Variants in UCHL5 observed in about 807,000 individuals in gnomAD.
The protein encoded by UCHL5 is ubiquitin carboxyl-terminal hydrolase isozyme L5.
A neutral mutation model predicts 53.8 loss-of-function variants in UCHL5; 34 were observed. The ratio of observed to expected loss-of-function variants is 0.63; its 90% CI spans 0.48 to 0.84. The LOEUF (loss-of-function observed/expected upper bound fraction) is 0.84. Ranked by LOEUF, UCHL5 falls within the 40% of genes least tolerant of loss-of-function variation. The probability of loss-of-function intolerance (pLI) is 0.00; values close to 1 mark genes in which losing one functional copy is unlikely to be tolerated. For synonymous variants in UCHL5, 111 were observed against 126.3 expected, an observed-to-expected ratio of 0.88 and a Z score of 0.81; for missense variants, 290 against 385.6, an observed-to-expected ratio of 0.75 and a Z score of 2.08.
At chr1:193,025,951 G>A (rs1659040400) in intron 7 of UCHL5, among the ~76,000 whole-genome samples, 1 of 151,978 alleles carries the variant, frequency 6.6e-6, no homozygotes, top group African/African-American at 2.4e-5. Flanking sequence ...ACAGATAAAT[G>A]GAACAATGGA....
chr1:193,059,844 A>G (rs1464844808), upstream of UCHL5: 4 of 1,362,028 alleles, frequency 2.9e-6, no homozygotes, highest in African/African-American at 1.5e-5. This position sits in a 1 kb window ranked among gnomAD's most constrained non-coding sequence, Gnocchi z 4.9. Flanking sequence ...AATTCTGACC[A>G]GTCCTCCATG....
chr1:193,026,251 T>TA (rs1271748614), intron 7 of UCHL5, among the ~76,000 whole-genome samples: 3 of 151,978 alleles, frequency 2.0e-5, no homozygotes, highest in African/African-American at 7.2e-5. Flanking sequence ...AAAGAATTCT[T>TA]AGACTGAAAA....
At chr1:193,041,130 T>C (rs551101287) in intron 3 of UCHL5, among the ~76,000 whole-genome samples, 2 of 152,296 alleles carry the variant, frequency 1.3e-5, no homozygotes, top group South Asian at 4.1e-4. Context: ...AAAATAGCTA[T>C]AAGAGGATAA....
At chr1:193,055,531 C>T (rs1558187916) in intron 1 of UCHL5, among the ~76,000 whole-genome samples, 1 of 152,194 alleles carries the variant, frequency 6.6e-6, no homozygotes, top group Non-Finnish European at 1.5e-5. Context: ...TGTCTGCTAG[C>T]ATCTATGAAA....
chr1:193,035,615 GA>G (rs909442441), intron 3 of UCHL5, among the ~76,000 whole-genome samples: 1 of 151,912 alleles, frequency 6.6e-6, no homozygotes, highest in Non-Finnish European at 1.5e-5. Flanking sequence ...AATCTGAACA[GA>G]AAAAAACACT....
chr1:193,051,715 T>C (rs1445149059), intron 2 of UCHL5, 39 bp downstream of exon 2: 2 of 1,238,456 alleles, frequency 1.6e-6, no homozygotes, highest in African/African-American at 3.1e-5. Context: ...TGTTAAAGTA[T>C]ATATATATAC....
chr1:193,043,550 G>A (rs1480284649), intron 3 of UCHL5, among the ~76,000 whole-genome samples: 1 of 152,136 alleles, frequency 6.6e-6, no homozygotes, highest in African/African-American at 2.4e-5. Context: ...TTGGTTCCTG[G>A]GAGATGAGTT....
At chr1:193,033,381 G>T (rs1008597757) in intron 3 of UCHL5, among the ~76,000 whole-genome samples, 2 of 151,996 alleles carry the variant, frequency 1.3e-5, no homozygotes, top group Non-Finnish European at 2.9e-5. Flanking sequence ...TTGTCGGGGG[G>T]TTGCGGGCAA....
chr1:193,026,373 G>A (rs1659231399), intron 7 of UCHL5, among the ~76,000 whole-genome samples: 1 of 152,132 alleles, frequency 6.6e-6, no homozygotes. Flanking sequence ...GCTACAGACT[G>A]GGAGAGAATA....
rs1658075093 is a variant in UCHL5, at chr1:193,023,829, A to C, written c.732+15T>G. 6.3e-7 allele frequency: 1 copy of C among 1,594,898 alleles called. No individual in the cohort carries two copies. The highest frequency in any genetic ancestry group is 1.3e-5 in the African/African-American group (1 of 74,294). The stretch of plus-strand genomic sequence containing the variant: ...ACCAAGCTAGAACTTTGTACTTAGA[A>C]ACATGGCCACGAACCTCTGCAAGTT... On this transcript the variant is annotated intron_variant, in intron 8 of 10. Coordinates refer to ENST00000367454, the MANE Select transcript of UCHL5 (RefSeq NM_001199261.3).
intron 7 of UCHL5, among the ~76,000 whole-genome samples, chr1:193,024,299 A>C (rs573251995): frequency 6.6e-6 from 1 of 151,872 alleles, no homozygotes; most frequent in African/African-American, 2.4e-5. Context: ...AGAAAAACAA[A>C]ATTGGCTAAA....
At chr1:193,022,794 A>C (rs34849704) in intron 9 of UCHL5, 132 bp downstream of exon 9, 612,122 of 613,476 alleles carry the variant, frequency 1, 305,388 homozygotes, top group East Asian at 1. Context: ...TTGTAGTGAT[A>C]AGAGAATCAA....
At chr1:193,032,929 G>A (rs1662007952) in intron 3 of UCHL5, among the ~76,000 whole-genome samples, 1 of 152,172 alleles carries the variant, frequency 6.6e-6, no homozygotes. Flanking sequence ...ATTGTTGGTG[G>A]GAGTGTAAAT....
In UCHL5 at chr1:193,059,327, G is replaced by A; in HGVS notation, c.-67C>T. ...GCTGCCCCCCGCACCAGCTGCCGCC[G>A]GCCACAGATCTCAGCAAACCCGCCG... On this transcript the variant is annotated 5_prime_UTR_variant, in exon 1 of 11. Coordinates refer to ENST00000367454, the MANE Select transcript of UCHL5 (RefSeq NM_001199261.3). This position sits in a 1 kb window ranked among gnomAD's most constrained non-coding sequence, Gnocchi z 4.9. 1.2e-6 allele frequency: 2 copies of A among 1,607,182 alleles called. No individual in the cohort carries two copies. The highest frequency in any genetic ancestry group is 2.2e-5 in the East Asian group (1 of 44,692).
intron 3 of UCHL5, 87 bp from the exon 4 acceptor site, chr1:193,029,744 C>T (rs952280074): frequency 8.7e-6 from 9 of 1,032,940 alleles, no homozygotes; most frequent in Admixed American, 3.0e-5. Context: ...AAAACATGAA[C>T]AGTTTTCAAA....
intron 6 of UCHL5, among the ~76,000 whole-genome samples, 162 bp downstream of exon 6, chr1:193,029,017 T>C (rs1032859834): frequency 6.6e-6 from 1 of 152,204 alleles, no homozygotes; most frequent in Non-Finnish European, 1.5e-5. Flanking sequence ...ATGTCCTTCC[T>C]ATATATTAAT....
intron 3 of UCHL5, among the ~76,000 whole-genome samples, chr1:193,038,053 C>A (rs1011516296): frequency 5.9e-5 from 9 of 152,060 alleles, no homozygotes; most frequent in Admixed American, 3.3e-4. Context: ...ATTTAACATG[C>A]CTTTATGACA....
intron 2 of UCHL5, among the ~76,000 whole-genome samples, chr1:193,050,859 C>T (rs1024873135): frequency 6.6e-6 from 1 of 152,086 alleles, no homozygotes; most frequent in Admixed American, 6.5e-5. Flanking sequence ...TGGGCTCAAG[C>T]GATCTTCTCG....
chr1:193,031,931 T>C (rs1661566295), intron 3 of UCHL5, among the ~76,000 whole-genome samples: 1 of 152,202 alleles, frequency 6.6e-6, no homozygotes, highest in Non-Finnish European at 1.5e-5. Context: ...TTTAAGATAA[T>C]TTAAAATAAA....
Sources: allele counts gnomAD v4.1 joint callset (sites outside exome capture counted in the v4.1 genomes callset), GRCh38; gene constraint gnomAD v4.1.1; non-coding constraint Gnocchi (gnomAD v3.1); transcripts MANE v1.5; gene names NCBI Gene and HGNC (gene_info 2026-07-23, HGNC 2026-07-21).